TRAPPC9: variants seen among roughly 807,000 people sequenced by gnomAD.
TRAPPC9 encodes trafficking protein particle complex subunit 9.
Under a neutral mutation model 124.0 loss-of-function variants are expected in TRAPPC9, and 83 were observed. That is an observed-to-expected ratio of 0.67 (90% CI 0.56 to 0.80). The LOEUF is 0.80. Ranked by LOEUF, TRAPPC9 falls within the 30% of genes least tolerant of loss-of-function variation. The pLI, the probability that TRAPPC9 is intolerant of heterozygous loss-of-function variation, is 0.00. For missense variants in TRAPPC9, 1,302 were observed against 1,508.3 expected (o/e 0.86, Z 2.27); for synonymous variants, 638 against 617.5 (o/e 1.03, Z -0.49).
intron 9 of TRAPPC9, among the ~76,000 whole-genome samples, chr8:140,331,792 G>T (rs11786080): frequency 1.3e-5 from 2 of 152,304 alleles, no homozygotes; most frequent in East Asian, 3.9e-4. Context: ...TCTCACCCCA[G>T]CAAGAATGGC....
chr8:140,455,249 C>T (rs925322485), intron 1 of TRAPPC9, among the ~76,000 whole-genome samples: 5 of 152,126 alleles, frequency 3.3e-5, no homozygotes, highest in South Asian at 4.1e-4. Flanking sequence ...TCTCATGCCT[C>T]GGCCTCCCGG....
intron 16 of TRAPPC9, among the ~76,000 whole-genome samples, chr8:140,240,094 T>C (rs1444023342): frequency 6.6e-6 from 1 of 152,198 alleles, no homozygotes; most frequent in African/African-American, 2.4e-5. Flanking sequence ...TATCATTAAA[T>C]TGTGAAGAAG....
chr8:139,805,831 C>T (rs766337663), intron 21 of TRAPPC9, among the ~76,000 whole-genome samples: 1 of 152,186 alleles, frequency 6.6e-6, no homozygotes, highest in Non-Finnish European at 1.5e-5. Context: ...GCTCATGATA[C>T]ACTTTAAAGT....
intron 21 of TRAPPC9, among the ~76,000 whole-genome samples, chr8:139,786,973 G>A (rs114947706): frequency 0.021 from 3,165 of 152,184 alleles, 93 homozygotes; most frequent in African/African-American, 0.072. Context: ...ACGGTTTCAC[G>A]GGTGTGTATG....
intron 21 of TRAPPC9, among the ~76,000 whole-genome samples, chr8:139,805,943 T>A (rs1824015894): frequency 6.6e-6 from 1 of 152,242 alleles, no homozygotes; most frequent in African/African-American, 2.4e-5. Context: ...TGTATCCATA[T>A]AATCACATAA....
rs199889100 is a variant in TRAPPC9, at chr8:140,248,538, G to A, written c.2431+4239C>T. Among the ~76,000 whole-genome samples the A allele has an allele frequency of 5.3e-5, 8 of 152,314 alleles. No individual in the cohort carries two copies. In the East Asian group the frequency reaches 9.6e-4, roughly 18 times the overall value. ...CACATCTACTTATATTTTGGGGTCC[G>A]TGGGGATACTCTGGTAACTGGTTTT... On this transcript the variant is annotated intron_variant, in intron 16 of 22. Coordinates refer to ENST00000438773, the MANE Select transcript of TRAPPC9 (RefSeq NM_001160372.4).
intron 2 of TRAPPC9, among the ~76,000 whole-genome samples, chr8:140,443,578 G>A (rs983387258): frequency 3.3e-5 from 5 of 151,886 alleles, no homozygotes; most frequent in African/African-American, 1.2e-4. Context: ...CCACATGGTA[G>A]AGCTAAAGCA....
chr8:140,118,872 C>T (rs1327654978), intron 17 of TRAPPC9, among the ~76,000 whole-genome samples: 2 of 152,184 alleles, frequency 1.3e-5, no homozygotes, highest in African/African-American at 4.8e-5. Flanking sequence ...ACTCTCCAGC[C>T]CGGGTCCCAC....
At chr8:140,085,934 C>T (rs568971240) in intron 17 of TRAPPC9, among the ~76,000 whole-genome samples, 5 of 152,150 alleles carry the variant, frequency 3.3e-5, no homozygotes, top group African/African-American at 1.2e-4. Flanking sequence ...CCCCACACCC[C>T]CTTAGGAATC....
chr8:139,985,011 C>T (rs1837154466), intron 19 of TRAPPC9, among the ~76,000 whole-genome samples: 1 of 152,192 alleles, frequency 6.6e-6, no homozygotes, highest in South Asian at 2.1e-4. Flanking sequence ...TTATTCTTCT[C>T]AGCACGCCTG....
chr8:140,001,962 T>A (rs978843130), intron 18 of TRAPPC9, among the ~76,000 whole-genome samples: 3 of 152,212 alleles, frequency 2.0e-5, no homozygotes, highest in African/African-American at 7.2e-5. Context: ...CATATTGTTT[T>A]AAAAATCATT....
chr8:139,969,612 C>G (rs1835931113), intron 19 of TRAPPC9, among the ~76,000 whole-genome samples: 1 of 152,222 alleles, frequency 6.6e-6, no homozygotes, highest in Admixed American at 6.5e-5. Context: ...ATCTGCAAAC[C>G]TGCAGCTAAC....
chr8:140,137,015 T>C (rs2061315027), intron 17 of TRAPPC9, among the ~76,000 whole-genome samples: 1 of 151,964 alleles, frequency 6.6e-6, no homozygotes, highest in Non-Finnish European at 1.5e-5. Flanking sequence ...GCTGCAGGAC[T>C]GGACAGGACA....
chr8:140,199,907 GA>G (rs2062750462), intron 17 of TRAPPC9, among the ~76,000 whole-genome samples: 1 of 151,976 alleles, frequency 6.6e-6, no homozygotes, highest in Non-Finnish European at 1.5e-5. Flanking sequence ...AAGATAAAAG[GA>G]ACTGCATACT....
At chr8:139,733,525 G>A (rs926335135) in intron 21 of TRAPPC9, among the ~76,000 whole-genome samples, 1 of 152,168 alleles carries the variant, frequency 6.6e-6, no homozygotes, top group Admixed American at 6.5e-5. Flanking sequence ...GGGAGGTCCC[G>A]CAGCCTGCAA....
intron 21 of TRAPPC9, among the ~76,000 whole-genome samples, chr8:139,818,126 T>C (rs1308719907): frequency 6.6e-6 from 1 of 152,218 alleles, no homozygotes; most frequent in Non-Finnish European, 1.5e-5. Context: ...CCTTGGCTAG[T>C]TAGTGACTGA....
intron 17 of TRAPPC9, among the ~76,000 whole-genome samples, chr8:140,091,517 A>G (rs1397980561): frequency 1.3e-5 from 2 of 152,168 alleles, no homozygotes; most frequent in African/African-American, 4.8e-5. Flanking sequence ...AAATGTCTCT[A>G]CTTCCTAGGC....
chr8:139,991,671 T>C (rs2614755), intron 18 of TRAPPC9, among the ~76,000 whole-genome samples: 44,858 of 150,802 alleles, frequency 0.3, 8,199 homozygotes, highest in East Asian at 0.44. Flanking sequence ...CCAAGGCGAG[T>C]CTCTGAAGGG....
chr8:139,919,477 G>A, intron 19 of TRAPPC9, among the ~76,000 whole-genome samples: 1 of 152,150 alleles, frequency 6.6e-6, no homozygotes. Flanking sequence ...CACTTCAAAT[G>A]GGTAAATTGC....
Sources: gnomAD v4.1 joint callset for allele counts (sites outside exome capture counted in the v4.1 genomes callset) on GRCh38, gnomAD v4.1.1 for gene constraint, MANE v1.5 for transcripts, NCBI Gene and HGNC (gene_info 2026-07-23, HGNC 2026-07-21) for gene names.